Variants in SPATS2L observed in about 807,000 individuals in gnomAD.
The protein encoded by SPATS2L is spermatogenesis associated serine rich 2 like.
SPATS2L carries 30 observed loss-of-function variants against 59.6 expected under a neutral mutation model. The ratio of observed to expected loss-of-function variants is 0.50; its 90% confidence interval spans 0.38 to 0.68. The LOEUF is 0.68. SPATS2L is among the 30% of genes least tolerant of loss of function. SPATS2L has a pLI of 0.00. For missense variants in SPATS2L, 615 were observed against 700.0 expected (o/e 0.88, Z 1.37); for synonymous variants, 252 against 263.5 (o/e 0.96, Z 0.42).
chr2:200,478,890 T>TC lies in SPATS2L; in HGVS notation c.*860dup, dbSNP rs1436114850. On this transcript the variant is annotated 3_prime_UTR_variant, in exon 13 of 13. Transcript: ENST00000409140. Reference sequence around the variant, plus strand: ...TTTGATCAGGATTTCAGCTCCCATCTCTTTTTTTTTTTTCTTTTTTCTTTT... The same window carrying TC: ...TTTGATCAGGATTTCAGCTCCCATCTCCTTTTTTTTTTTTCTTTTTTCTTTT... 3 of 151,970 alleles carry TC rather than the reference T, an allele frequency of 2.0e-5. No homozygotes were observed. Among genetic ancestry groups the TC allele is most frequent in the Non-Finnish European group, 1.5e-5 (1 of 68,054 alleles). 9.4% of individuals were successfully genotyped at this position (151,970 alleles called of 1,614,324 possible).
intron 4 of SPATS2L, among the ~76,000 whole-genome samples, chr2:200,413,215 C>G (rs1290036739): frequency 6.6e-6 from 1 of 152,166 alleles, no homozygotes; most frequent in Non-Finnish European, 1.5e-5. Context: ...CTTATGTAGT[C>G]TAAGAGGACT....
At chr2:200,343,965 A>T (rs567057720) in intron 2 of SPATS2L, among the ~76,000 whole-genome samples, 1 of 152,136 alleles carries the variant, frequency 6.6e-6, no homozygotes, top group Non-Finnish European at 1.5e-5. Flanking sequence ...CTTCTATTTT[A>T]TCTATGTCTT....
intron 8 of SPATS2L, among the ~76,000 whole-genome samples, chr2:200,447,933 A>ATT (rs1220262490): frequency 6.6e-6 from 1 of 152,228 alleles, no homozygotes; most frequent in African/African-American, 2.4e-5. Context: ...TGAAGACAAA[A>ATT]ATCAAGAGTT....
chr2:200,337,318 A>G (rs1474455954), intron 2 of SPATS2L, among the ~76,000 whole-genome samples: 1 of 152,194 alleles, frequency 6.6e-6, no homozygotes, highest in East Asian at 1.9e-4. Flanking sequence ...AAGCTTTGGT[A>G]TTTGGAAGTT....
intron 2 of SPATS2L, among the ~76,000 whole-genome samples, chr2:200,357,334 C>T (rs1436173494): frequency 6.6e-6 from 1 of 152,168 alleles, no homozygotes; most frequent in Non-Finnish European, 1.5e-5. Flanking sequence ...CTTAGCATTG[C>T]TGGCTAAGTG....
At chr2:200,309,130 A>G (rs781658275) in intron 1 of SPATS2L, 3 of 717,550 alleles carry the variant, frequency 4.2e-6, no homozygotes, top group Non-Finnish European at 7.8e-6. Flanking sequence ...AAGCTTTAGA[A>G]ATATCTCACT....
intron 3 of SPATS2L, among the ~76,000 whole-genome samples, chr2:200,396,033 A>AAAATAT (rs1553520464): frequency 2.4e-4 from 5 of 21,132 alleles, no homozygotes; most frequent in Non-Finnish European, 4.5e-4. Flanking sequence ...AAAAAAAAAA[A>AAAATAT]ATATATATAT....
At chr2:200,388,930 C>G (rs965415480) in intron 2 of SPATS2L, among the ~76,000 whole-genome samples, 1 of 152,114 alleles carries the variant, frequency 6.6e-6, no homozygotes, top group Non-Finnish European at 1.5e-5. Flanking sequence ...TTTTTGACCA[C>G]CTTTCTTTTA....
chr2:200,448,686 A>C, intron 8 of SPATS2L, among the ~76,000 whole-genome samples: 1 of 152,180 alleles, frequency 6.6e-6, no homozygotes, highest in African/African-American at 2.4e-5. Flanking sequence ...TAGTTTTTCT[A>C]AGTGTTCACC....
intron 7 of SPATS2L, among the ~76,000 whole-genome samples, chr2:200,439,780 T>C (rs1013398429): frequency 1.3e-5 from 2 of 152,250 alleles, no homozygotes; most frequent in Non-Finnish European, 1.5e-5. Context: ...AATTCAGTTC[T>C]GTGTTAGAAT....
chr2:200,466,556 G>A (rs1163442353), intron 9 of SPATS2L, among the ~76,000 whole-genome samples: 1 of 152,204 alleles, frequency 6.6e-6, no homozygotes, highest in African/African-American at 2.4e-5. Flanking sequence ...GAAAATGTTG[G>A]AGCCAGAGTA....
intron 2 of SPATS2L, among the ~76,000 whole-genome samples, chr2:200,368,140 C>T (rs545639022): frequency 5.9e-4 from 89 of 152,124 alleles, no homozygotes; most frequent in African/African-American, 1.8e-3. Context: ...GCAGGAATCC[C>T]GAACTTCTCA....
intron 9 of SPATS2L, chr2:200,460,768 T>G (rs991191935): frequency 4.0e-5 from 6 of 151,410 alleles, no homozygotes; most frequent in African/African-American, 1.5e-4. Context: ...ATAATAATAA[T>G]AAGATTAATA....
intron 6 of SPATS2L, among the ~76,000 whole-genome samples, 154 bp from the exon 7 acceptor site, chr2:200,438,967 TG>T (rs2106099587): frequency 6.6e-6 from 1 of 152,316 alleles, no homozygotes; most frequent in East Asian, 1.9e-4. Context: ...TCTAATCTTC[TG>T]GGGATTCTTT....
chr2:200,327,378 T>C (rs2079786893), intron 1 of SPATS2L, among the ~76,000 whole-genome samples: 1 of 150,344 alleles, frequency 6.7e-6, no homozygotes, highest in African/African-American at 2.4e-5. Flanking sequence ...CACTCCAGCC[T>C]GGGTGACAGA....
chr2:200,325,185 T>C (rs1405639465), intron 1 of SPATS2L, among the ~76,000 whole-genome samples: 1 of 152,200 alleles, frequency 6.6e-6, no homozygotes, highest in African/African-American at 2.4e-5. Context: ...TTATTTTGCT[T>C]TCTTTAATCA....
At chr2:200,322,466 A>C (rs1352968586) in intron 1 of SPATS2L, among the ~76,000 whole-genome samples, 3 of 152,254 alleles carry the variant, frequency 2.0e-5, no homozygotes. Context: ...AAGCTGATAC[A>C]TCAGGAAAGA....
At chr2:200,467,563 A>G (rs1050058589) in intron 10 of SPATS2L, among the ~76,000 whole-genome samples, 164 bp downstream of exon 10, 3 of 152,226 alleles carry the variant, frequency 2.0e-5, no homozygotes, top group African/African-American at 7.2e-5. Context: ...GACCCACATA[A>G]TCACTGTGTT....
intron 3 of SPATS2L, among the ~76,000 whole-genome samples, chr2:200,400,386 A>G (rs1452801081): frequency 6.6e-6 from 1 of 152,200 alleles, no homozygotes; most frequent in Admixed American, 6.5e-5. Context: ...TATAGAAAAC[A>G]TGTAGGTATA....
Sources: gnomAD v4.1 joint callset for allele counts (sites outside exome capture counted in the v4.1 genomes callset) on GRCh38, gnomAD v4.1.1 for gene constraint, MANE v1.5 for transcripts, NCBI Gene and HGNC (gene_info 2026-07-23, HGNC 2026-07-21) for gene names.